The following NSUN2 variants were observed in gnomAD, a reference collection of about 807,000 sequenced individuals.
NSUN2 encodes the protein RNA cytosine C(5)-methyltransferase NSUN2.
In NSUN2, 63 loss-of-function variants were observed where a neutral mutation model predicts 92.7. The observed-to-expected ratio is 0.68, with a 90% CI of 0.56 to 0.84. NSUN2 has a LOEUF of 0.84. NSUN2 is among the 40% of genes least tolerant of loss of function. The probability of loss-of-function intolerance (pLI) is 0.00; values close to 1 mark genes in which losing one functional copy is unlikely to be tolerated. For missense variants in NSUN2, 989 were observed against 964.9 expected (o/e 1.02, Z -0.33); for synonymous variants, 356 against 348.3 (o/e 1.02, Z -0.25).
chr5:6,603,598 G>A (rs3776441), intron 17 of NSUN2, among the ~76,000 whole-genome samples: 66,633 of 152,048 alleles, frequency 0.44, 15,418 homozygotes, highest in African/African-American at 0.59. Context: ...GGCTGGGGCA[G>A]GAGAATGGCT....
chr5:6,622,039 G>A lies in NSUN2; in HGVS notation c.599C>T (p.Ala200Val). 1 of 1,613,976 alleles carries A rather than the reference G, an allele frequency of 6.2e-7. No individual in the cohort carries two copies. The part of the protein sequence containing the change: ...KTTQLIEMLH[A>V]DMNVPFPEGF... ...ACCTGGAAAGGGGACATTCATGTCG[G>A]CATGTAGCATTTCAATTAACTGTGT... is the stretch of plus-strand genomic sequence containing the variant. Residue 200 changes from alanine (A) to valine (V), a missense_variant, in exon 6 of 19, where the codon GCC becomes GTC. Coordinates refer to ENST00000264670, the MANE Select transcript of NSUN2 (RefSeq NM_017755.6).
rs1736463322 is a variant in NSUN2 at position 6,599,733 on chromosome 5, G to A, written c.*193C>T. The stretch of plus-strand genomic sequence containing the variant: ...AAGTGATTTCTAACACGCTAAAAGA[G>A]TACATTTTCATCAGCTCCAAAGAAA... On this transcript the variant is annotated 3_prime_UTR_variant, in exon 19 of 19. Coordinates refer to ENST00000264670, the MANE Select transcript of NSUN2 (RefSeq NM_017755.6). 1 of 597,520 alleles carries A rather than the reference G, an allele frequency of 1.7e-6. No homozygotes were observed. The highest frequency in any genetic ancestry group is 3.0e-6 in the Non-Finnish European group (1 of 337,854). The allele number at this position is 597,520 out of a possible 1,614,324, so 37.0% of individuals were successfully genotyped here. A position where few individuals can be genotyped will look rare whatever the true frequency, so the allele number is the denominator to read the frequency against.
At chr5:6,617,729 A>T (rs896089736) in intron 8 of NSUN2, among the ~76,000 whole-genome samples, 2 of 152,242 alleles carry the variant, frequency 1.3e-5, no homozygotes, top group African/African-American at 4.8e-5. Context: ...TTTTTATAGA[A>T]GGCATTTTTA....
At chr5:6,602,394 A>C in intron 18 of NSUN2, 67 bp downstream of exon 18, 1 of 1,494,288 alleles carries the variant, frequency 6.7e-7, no homozygotes, top group South Asian at 1.1e-5. Context: ...CACTTTCCTC[A>C]CCAACGAGAA....
Position 6,602,439 on chromosome 5 carries a change from G to A in NSUN2, c.1997+22C>T, listed in dbSNP as rs767797479. The A allele has an allele frequency of 2.5e-6, 4 of 1,611,696 alleles. No homozygotes were observed. The East Asian group carries it at 8.9e-5, about 36-fold the overall frequency. The stretch of plus-strand genomic sequence containing the variant: ...TAATGACAAGGCGTGTGTGTCTAAG[G>A]GCAGGGCGTGTACTGACTTACGCAG... On this transcript the variant is annotated intron_variant, in intron 18 of 18. Coordinates refer to ENST00000264670, the MANE Select transcript of NSUN2 (RefSeq NM_017755.6).
intron 11 of NSUN2, among the ~76,000 whole-genome samples, chr5:6,610,447 G>A (rs1736940579): frequency 6.6e-6 from 1 of 151,970 alleles, no homozygotes; most frequent in Non-Finnish European, 1.5e-5. Context: ...CCAGCACTTT[G>A]GGAGGCCGAG....
intron 17 of NSUN2, among the ~76,000 whole-genome samples, chr5:6,603,240 T>A (rs1008001122): frequency 6.6e-6 from 1 of 152,238 alleles, no homozygotes; most frequent in African/African-American, 2.4e-5. Context: ...TGATCTGAAG[T>A]GGAAGTTGAT....
At chr5:6,631,822 A>C in intron 3 of NSUN2, 51 bp downstream of exon 3, 45 of 1,279,452 alleles carry the variant, frequency 3.5e-5, no homozygotes, top group Non-Finnish European at 5.0e-5. Flanking sequence ...TTCAAGTGAT[A>C]GAGATTAATA....
intron 16 of NSUN2, 29 bp downstream of exon 16, chr5:6,604,576 C>T: frequency 6.3e-7 from 1 of 1,592,850 alleles, no homozygotes; most frequent in Non-Finnish European, 8.6e-7. Context: ...TCTGTGGCTA[C>T]TGCTGTTCAA....
At chr5:6,631,705 T>A (rs1737903428) in intron 3 of NSUN2, among the ~76,000 whole-genome samples, 168 bp downstream of exon 3, 1 of 152,214 alleles carries the variant, frequency 6.6e-6, no homozygotes, top group Non-Finnish European at 1.5e-5. Context: ...GCATGAAAAC[T>A]TGCGTAGCAA....
chr5:6,603,772 G>C (rs1736648035), intron 17 of NSUN2: 1 of 193,058 alleles, frequency 5.2e-6, no homozygotes, highest in South Asian at 1.4e-4. Flanking sequence ...AGGCAAGTGG[G>C]TCAAGAGCTC....
At chr5:6,609,679 G>T in intron 12 of NSUN2, 147 bp downstream of exon 12, 1 of 612,952 alleles carries the variant, frequency 1.6e-6, no homozygotes, top group Non-Finnish European at 2.9e-6. Context: ...ATATTTAAAT[G>T]AAATTCCCCC....
rs73737134 is a variant in NSUN2, at chr5:6,602,698, G to A, written c.1958-198C>T. ...GAACCAAGTCCAAATGACGCAGTAG[G>A]GACGATCTGGAAGAGGACCCAGGCA... On this transcript the variant is annotated intron_variant, in intron 17 of 18. Transcript: ENST00000264670. Among the ~76,000 whole-genome samples the A allele has an allele frequency of 0.017, 2,553 of 152,254 alleles. 93 individuals are homozygous for A. The highest frequency in any genetic ancestry group is 0.058 in the African/African-American group (2,419 of 41,536).
rs1218106824 is a variant in NSUN2, at chr5:6,625,677, A to T, written c.360-8T>A. The T allele has an allele frequency of 8.2e-6, 13 of 1,585,552 alleles. No individual in the cohort carries two copies. The highest frequency in any genetic ancestry group is 9.5e-6 in the Non-Finnish European group (11 of 1,154,226). On this transcript the variant is annotated splice_polypyrimidine_tract_variant and splice_region_variant and intron_variant, in intron 3 of 18. Coordinates refer to ENST00000264670, the MANE Select transcript of NSUN2 (RefSeq NM_017755.6). ...GCAAGTTCTTCAGGATACCTGACCA[A>T]AAAGAAAGCAAAACATTTATGGATT... is the stretch of plus-strand genomic sequence containing the variant.
Position 6,605,158 on chromosome 5 carries a change from G to A in NSUN2, c.1737+115C>T, listed in dbSNP as rs506416. 0.69 allele frequency: 959,681 copies of A among 1,396,356 alleles called. 332,912 individuals are homozygous for A. The highest frequency in any genetic ancestry group is 0.87 in the African/African-American group (60,567 of 69,748). 86.5% of individuals were successfully genotyped at this position (1,396,356 alleles called of 1,614,324 possible). The stretch of plus-strand genomic sequence containing the variant: ...GGGCAGGCTCAGGGACCCACAGCCA[G>A]CGCTACAGGTGGGGAGGGCAGATGT... On this transcript the variant is annotated intron_variant, in intron 15 of 18. Transcript: ENST00000264670.
At chr5:6,611,981 G>A (rs567292068) in intron 9 of NSUN2, among the ~76,000 whole-genome samples, 183 bp from the exon 10 acceptor site, 56 of 152,320 alleles carry the variant, frequency 3.7e-4, no homozygotes, top group South Asian at 1.2e-3. Context: ...GTGGCCGATG[G>A]GGCTCAGCTG....
Position 6,599,920 on chromosome 5 carries a change from G to C in NSUN2, c.*6C>G. 1 of 1,610,948 alleles carries C rather than the reference G, an allele frequency of 6.2e-7. No individual in the cohort carries two copies. Among genetic ancestry groups the C allele is most frequent in the Non-Finnish European group, 8.5e-7 (1 of 1,179,182 alleles). ...GGGGTGTGGGCCCCCGCTGCCTTGG[G>C]CCTGCTCACCGGGGTGGATGGACCC... On this transcript the variant is annotated 3_prime_UTR_variant, in exon 19 of 19. Transcript: ENST00000264670.
intron 9 of NSUN2, among the ~76,000 whole-genome samples, chr5:6,612,723 T>C (rs867056310): frequency 6.6e-6 from 1 of 152,248 alleles, no homozygotes; most frequent in African/African-American, 2.4e-5. Flanking sequence ...CTGAATCCTC[T>C]TCCTTTTAAA....
At position 6,600,170 on chromosome 5, in the gene NSUN2, C is replaced by T. The variant is rs756450204; in HGVS notation, c.2060G>A (p.Arg687Gln). 76 of 1,614,078 alleles carry T rather than the reference C, an allele frequency of 4.7e-5. 1 individual carries two copies. In the Admixed American group the frequency reaches 1.1e-3, roughly 24 times the overall value. ...CCGTTCATTCTTGGGCACAAAAGTT[C>T]GAATGGAGGCCTTTCCCCGCCATCC... is the stretch of plus-strand genomic sequence containing the variant. The part of the protein sequence containing the change: ...LCGWRGKASI[R>Q]TFVPKNERLH... The change falls in exon 19 of 19, where the codon CGA becomes CAA. Residue 687 changes from arginine to glutamine, a missense_variant. By Grantham distance (43) the Arg-to-Gln change is conservative. Coordinates refer to ENST00000264670, the MANE Select transcript of NSUN2 (RefSeq NM_017755.6).
Sources: allele counts gnomAD v4.1 joint callset (sites outside exome capture counted in the v4.1 genomes callset), GRCh38; gene constraint gnomAD v4.1.1; transcripts MANE v1.5; gene names NCBI Gene and HGNC (gene_info 2026-07-23, HGNC 2026-07-21).